KCNMA1: variants seen among roughly 807,000 people sequenced by gnomAD.
KCNMA1 encodes the protein Calcium-activated potassium channel subunit alpha-1.
Under a neutral mutation model 140.0 loss-of-function variants are expected in KCNMA1, and 29 were observed. The observed-to-expected ratio is 0.21, with a 90% confidence interval of 0.15 to 0.28. KCNMA1 has a LOEUF of 0.28. Among genes scored for constraint, KCNMA1 ranks in the 10% least tolerant of loss-of-function variants. The pLI, the probability that KCNMA1 is intolerant of heterozygous loss-of-function variation, is 1.00. For synonymous variants in KCNMA1, 612 were observed against 611.9 expected, an observed-to-expected ratio of 1.00 and a Z score of 0.00; for missense variants, 880 against 1,602.2, an observed-to-expected ratio of 0.55 and a Z score of 7.70.
At chr10:77,214,375 C>T (rs553354822) in intron 3 of KCNMA1, among the ~76,000 whole-genome samples, 1 of 152,198 alleles carries the variant, frequency 6.6e-6, no homozygotes, top group Non-Finnish European at 1.5e-5. Context: ...TTTTTTCCTA[C>T]CAGCAGCTCT....
intron 2 of KCNMA1, among the ~76,000 whole-genome samples, chr10:77,324,776 G>T (rs2083391416): frequency 6.6e-6 from 1 of 152,140 alleles, no homozygotes; most frequent in Admixed American, 6.5e-5. Context: ...CTACAAGTGG[G>T]TTCTGTTGGT....
chr10:77,181,686 C>T (rs577075165), intron 5 of KCNMA1, among the ~76,000 whole-genome samples: 71 of 152,250 alleles, frequency 4.7e-4, no homozygotes, highest in African/African-American at 1.6e-3. Context: ...GAGGACACTT[C>T]TCAGATTTGT....
At chr10:77,136,064 T>C (rs867600387) in intron 5 of KCNMA1, among the ~76,000 whole-genome samples, 4 of 152,240 alleles carry the variant, frequency 2.6e-5, no homozygotes, top group African/African-American at 9.6e-5. Flanking sequence ...AATAGTCTTA[T>C]AATTCCATTG....
At chr10:77,286,969 G>A (rs1200955046) in intron 2 of KCNMA1, among the ~76,000 whole-genome samples, 1 of 152,206 alleles carries the variant, frequency 6.6e-6, no homozygotes, top group Non-Finnish European at 1.5e-5. Flanking sequence ...TTGAGGATTA[G>A]AGTAGACATA....
intron 1 of KCNMA1, among the ~76,000 whole-genome samples, chr10:77,480,820 A>G (rs1209537509): frequency 6.6e-6 from 1 of 152,040 alleles, no homozygotes; most frequent in Non-Finnish European, 1.5e-5. Context: ...ATAAAGACAC[A>G]CACGTGCAGC....
intron 20 of KCNMA1, among the ~76,000 whole-genome samples, 156 bp from the exon 21 acceptor site, chr10:76,954,080 G>A (rs2067250052): frequency 1.3e-5 from 2 of 152,166 alleles, no homozygotes; most frequent in African/African-American, 2.4e-5. Flanking sequence ...TCCTTTGAGA[G>A]ACAACTGCCC....
chr10:76,925,272 CTTTA>C (rs2057337993), intron 23 of KCNMA1, among the ~76,000 whole-genome samples: 1 of 152,138 alleles, frequency 6.6e-6, no homozygotes, highest in Admixed American at 6.5e-5. Flanking sequence ...GCTAACCTTT[CTTTA>C]TTGTTTTTAT....
intron 14 of KCNMA1, among the ~76,000 whole-genome samples, chr10:77,060,398 A>C (rs1180158175): frequency 6.6e-6 from 1 of 152,166 alleles, no homozygotes; most frequent in Non-Finnish European, 1.5e-5. Context: ...ACCTCCTTTC[A>C]TCCTTCCATA....
chr10:77,442,356 C>T (rs1042827896), intron 1 of KCNMA1, among the ~76,000 whole-genome samples: 2 of 151,958 alleles, frequency 1.3e-5, no homozygotes, highest in East Asian at 1.9e-4. Flanking sequence ...CCTAGACCCC[C>T]GCCACCTCCC....
intron 1 of KCNMA1, among the ~76,000 whole-genome samples, chr10:77,495,228 C>T (rs2041439569): frequency 6.6e-6 from 1 of 152,196 alleles, no homozygotes. Context: ...AAGAAGTAGG[C>T]TCAATGTGTG....
At chr10:76,894,765 A>G (rs1470405558) in intron 25 of KCNMA1, among the ~76,000 whole-genome samples, 3 of 152,192 alleles carry the variant, frequency 2.0e-5, no homozygotes, top group Non-Finnish European at 4.4e-5. Context: ...CAAAACCACA[A>G]TGAGATATTT....
intron 22 of KCNMA1, among the ~76,000 whole-genome samples, chr10:76,948,789 C>T (rs748594602): frequency 6.6e-6 from 1 of 152,178 alleles, no homozygotes; most frequent in African/African-American, 2.4e-5. Flanking sequence ...AAGTATAATG[C>T]TATAAATAGT....
rs114720431 is a variant in KCNMA1, at chr10:77,110,938, T to C, written c.961-595A>G. Among the ~76,000 whole-genome samples the C allele has an allele frequency of 8.2e-3, 1,255 of 152,364 alleles. 19 individuals carry two copies. Among genetic ancestry groups the C allele is most frequent in the African/African-American group, 0.029 (1,205 of 41,588 alleles). On this transcript the variant is annotated intron_variant, in intron 7 of 27. Coordinates refer to ENST00000286628, the MANE Select transcript of KCNMA1 (RefSeq NM_001161352.2). ...ATGGTGGTCCCAGCCTTGAGGCTGC[T>C]GGAATCTTCACAGGGGCATGGAAAG...
intron 3 of KCNMA1, among the ~76,000 whole-genome samples, chr10:77,201,824 CA>C (rs768567488): frequency 2.0e-3 from 282 of 141,654 alleles, no homozygotes; most frequent in Middle Eastern, 3.6e-3. Context: ...ATCTACACAG[CA>C]AAAAAAAAAA....
At chr10:77,409,478 T>A (rs570611930) in intron 1 of KCNMA1, among the ~76,000 whole-genome samples, 7 of 152,210 alleles carry the variant, frequency 4.6e-5, no homozygotes, top group African/African-American at 1.7e-4. Context: ...GATAAGACAA[T>A]TGCTCCAAAT....
At chr10:77,022,703 A>T (rs979752757) in intron 16 of KCNMA1, among the ~76,000 whole-genome samples, 13 of 152,156 alleles carry the variant, frequency 8.5e-5, no homozygotes, top group African/African-American at 2.7e-4. Context: ...TTGAATGAAT[A>T]AAAAAAATAA....
chr10:77,518,335 C>CT (rs1360556881), intron 1 of KCNMA1, among the ~76,000 whole-genome samples: 1 of 152,234 alleles, frequency 6.6e-6, no homozygotes, highest in Non-Finnish European at 1.5e-5. Flanking sequence ...TTGCTGACCA[C>CT]TATATCTTCA....
chr10:76,900,827 T>C (rs1174852464), intron 25 of KCNMA1, among the ~76,000 whole-genome samples: 2 of 151,910 alleles, frequency 1.3e-5, no homozygotes, highest in Non-Finnish European at 2.9e-5. Context: ...AGAGTGTGGA[T>C]TGGTAAAATT....
intron 1 of KCNMA1, among the ~76,000 whole-genome samples, chr10:77,579,010 G>A (rs561093366): frequency 2.6e-5 from 4 of 152,208 alleles, no homozygotes; most frequent in Non-Finnish European, 4.4e-5. Flanking sequence ...CCAACCTCCC[G>A]GAGTCGTTGG....
Sources: gnomAD v4.1 joint callset for allele counts (sites outside exome capture counted in the v4.1 genomes callset) on GRCh38, gnomAD v4.1.1 for gene constraint, MANE v1.5 for transcripts, NCBI Gene and HGNC (gene_info 2026-07-23, HGNC 2026-07-21) for gene names.